SLC35F3: variants seen among roughly 807,000 people sequenced by gnomAD.
SLC35F3 encodes solute carrier family 35 member F3.
A neutral mutation model predicts 49.9 loss-of-function variants in SLC35F3; 25 were observed. That is an observed-to-expected ratio of 0.50 (90% CI 0.37 to 0.70). The LOEUF (loss-of-function observed/expected upper bound fraction) is 0.70. Among genes scored for constraint, SLC35F3 ranks in the 30% least tolerant of loss-of-function variants. SLC35F3 has a pLI of 0.00. For synonymous variants in SLC35F3, 275 were observed against 265.4 expected, an observed-to-expected ratio of 1.04 and a Z score of -0.35; for missense variants, 525 against 639.8, an observed-to-expected ratio of 0.82 and a Z score of 1.94.
chr1:234,234,880 A>G (rs150406005), intron 3 of SLC35F3, among the ~76,000 whole-genome samples: 3 of 152,326 alleles, frequency 2.0e-5, no homozygotes, highest in Non-Finnish European at 2.9e-5. Flanking sequence ...AAAGCGCCCT[A>G]TACACTGTAA....
chr1:234,154,631 C>T lies in SLC35F3; in HGVS notation c.284-76786C>T, dbSNP rs1666124391. Reference sequence around the variant, plus strand: ...ATTTGATGTCTGGCATTCTCCTTCCCCCAATAGTTTAAATAGTTATCATAA... The same window carrying T: ...ATTTGATGTCTGGCATTCTCCTTCCTCCAATAGTTTAAATAGTTATCATAA... On this transcript the variant is annotated intron_variant, in intron 2 of 7. Coordinates refer to ENST00000366618, the MANE Select transcript of SLC35F3 (RefSeq NM_173508.4). Among the ~76,000 whole-genome samples the T allele has an allele frequency of 2.6e-5, 4 of 152,116 alleles. No homozygotes were observed. The South Asian group carries it at 8.3e-4, about 32-fold the overall frequency.
intron 3 of SLC35F3, among the ~76,000 whole-genome samples, chr1:234,290,420 C>A (rs945914738): frequency 6.6e-5 from 10 of 152,220 alleles, no homozygotes; most frequent in African/African-American, 2.4e-4. Context: ...TTGTAAGTCT[C>A]ATATACTCCA....
intron 2 of SLC35F3, among the ~76,000 whole-genome samples, chr1:234,152,313 C>A (rs1184595767): frequency 2.6e-5 from 4 of 151,626 alleles, no homozygotes; most frequent in African/African-American, 9.7e-5. Context: ...AATACACGTG[C>A]CATGGTGGTT....
intron 3 of SLC35F3, among the ~76,000 whole-genome samples, chr1:234,246,106 G>A (rs1473900531): frequency 6.6e-6 from 1 of 152,190 alleles, no homozygotes; most frequent in Non-Finnish European, 1.5e-5. Flanking sequence ...TGAAGCAAAG[G>A]TGGTGTTTAG....
chr1:234,130,500 G>A (rs113145531), intron 2 of SLC35F3, among the ~76,000 whole-genome samples: 18 of 146,772 alleles, frequency 1.2e-4, no homozygotes, highest in African/African-American at 1.7e-4. Flanking sequence ...TTAGCCAGGC[G>A]TGGTGGCGAG....
chr1:233,906,823 A>T (rs1022450111), intron 2 of SLC35F3, among the ~76,000 whole-genome samples: 9 of 152,366 alleles, frequency 5.9e-5, no homozygotes, highest in African/African-American at 2.2e-4. Context: ...GGTCAGTGGT[A>T]TGCTAGCAGT....
At chr1:234,206,600 C>A (rs1390824453) in intron 2 of SLC35F3, among the ~76,000 whole-genome samples, 1 of 152,106 alleles carries the variant, frequency 6.6e-6, no homozygotes, top group Non-Finnish European at 1.5e-5. Context: ...TGACTTTCCA[C>A]GCATTCGTTC....
At chr1:234,099,471 G>T (rs1174140945) in intron 2 of SLC35F3, among the ~76,000 whole-genome samples, 1 of 152,012 alleles carries the variant, frequency 6.6e-6, no homozygotes, top group Admixed American at 6.6e-5. Flanking sequence ...TTAGCTGGGT[G>T]TGGTGGCGGG....
chr1:234,318,534 C>A (rs1020070870), intron 5 of SLC35F3, among the ~76,000 whole-genome samples: 2 of 152,170 alleles, frequency 1.3e-5, no homozygotes, highest in Non-Finnish European at 2.9e-5. Flanking sequence ...TCCAAAGAAG[C>A]TTTCTGTATA....
At chr1:234,281,882 C>T (rs775889488) in intron 3 of SLC35F3, among the ~76,000 whole-genome samples, 1 of 152,154 alleles carries the variant, frequency 6.6e-6, no homozygotes, top group Non-Finnish European at 1.5e-5. Flanking sequence ...ACCACGCGCT[C>T]ATCTGTTCTT....
intron 2 of SLC35F3, among the ~76,000 whole-genome samples, chr1:234,026,085 T>A (rs1663974019): frequency 6.6e-6 from 1 of 152,212 alleles, no homozygotes; most frequent in Non-Finnish European, 1.5e-5. Flanking sequence ...TACTGTTGAC[T>A]TTATCAAAGA....
chr1:234,209,776 G>A (rs1477209794), intron 2 of SLC35F3, among the ~76,000 whole-genome samples: 1 of 151,974 alleles, frequency 6.6e-6, no homozygotes, highest in Non-Finnish European at 1.5e-5. Flanking sequence ...GCAAGCAGAA[G>A]TTAACAGACA....
chr1:234,053,734 C>A (rs533523662), intron 2 of SLC35F3, among the ~76,000 whole-genome samples: 1 of 152,194 alleles, frequency 6.6e-6, no homozygotes, highest in Non-Finnish European at 1.5e-5. Context: ...TTCTTCCTAG[C>A]ATCGATGGTC....
intron 2 of SLC35F3, among the ~76,000 whole-genome samples, chr1:234,211,211 C>G (rs527809903): frequency 6.6e-6 from 1 of 152,252 alleles, no homozygotes; most frequent in Admixed American, 6.5e-5. Flanking sequence ...GATGCCCAGA[C>G]AGAAGTTTGC....
At chr1:234,109,069 G>T (rs1408063150) in intron 2 of SLC35F3, among the ~76,000 whole-genome samples, 1 of 151,988 alleles carries the variant, frequency 6.6e-6, no homozygotes. Flanking sequence ...ATCCTGATAG[G>T]CAGCCCCACA....
rs151319832 is a variant in SLC35F3, at chr1:234,075,094, G to C, written c.284-156323G>C. 2.9e-4 allele frequency among the ~76,000 whole-genome samples: 44 copies of C among 152,352 alleles called. No individual in the cohort carries two copies. In the East Asian group the frequency reaches 7.5e-3, roughly 26 times the overall value. On this transcript the variant is annotated intron_variant, in intron 2 of 7. Coordinates refer to ENST00000366618, the MANE Select transcript of SLC35F3 (RefSeq NM_173508.4). ...ACATGGTAGTGAGATACACCGATGA[G>C]AGAGTACTAACAATGTGGAAATCAT...
At chr1:234,073,419 A>G (rs1664748555) in intron 2 of SLC35F3, among the ~76,000 whole-genome samples, 1 of 152,226 alleles carries the variant, frequency 6.6e-6, no homozygotes, top group South Asian at 2.1e-4. Flanking sequence ...TGCTAGGATT[A>G]CAGGCATGAA....
At chr1:234,198,117 A>G (rs1456625605) in intron 2 of SLC35F3, among the ~76,000 whole-genome samples, 4 of 152,214 alleles carry the variant, frequency 2.6e-5, no homozygotes, top group Non-Finnish European at 5.9e-5. Context: ...TTAGAGGAAA[A>G]GGGAAGGAAA....
At chr1:234,240,339 A>G (rs1453324720) in intron 3 of SLC35F3, among the ~76,000 whole-genome samples, 2 of 148,392 alleles carry the variant, frequency 1.3e-5, no homozygotes, top group Non-Finnish European at 1.5e-5. Flanking sequence ...ACGTGGTGGC[A>G]TATGCCTGTA....
Sources: allele counts gnomAD v4.1 joint callset (sites outside exome capture counted in the v4.1 genomes callset), GRCh38; gene constraint gnomAD v4.1.1; transcripts MANE v1.5; gene names NCBI Gene and HGNC (gene_info 2026-07-23, HGNC 2026-07-21).